NPM1: variants seen among roughly 807,000 people sequenced by gnomAD.
NPM1 encodes nucleophosmin 1, also known as nucleophosmin.
In NPM1, 1 loss-of-function variant was observed where a neutral mutation model predicts 44.1. The observed-to-expected ratio is 0.02, with a 90% confidence interval of 0.01 to 0.11. The LOEUF is 0.11. Among genes scored for constraint, NPM1 ranks in the 10% least tolerant of loss-of-function variants. The probability of loss-of-function intolerance (pLI) is 1.00; values close to 1 mark genes in which losing one functional copy is unlikely to be tolerated. For synonymous variants in NPM1, 126 were observed against 111.8 expected (o/e 1.13, Z -0.80); for missense variants, 197 against 347.8 (o/e 0.57, Z 3.45).
At chr5:171,388,791 C>T (rs2113149220) in intron 1 of NPM1, among the ~76,000 whole-genome samples, 1 of 152,332 alleles carries the variant, frequency 6.6e-6, no homozygotes, top group Non-Finnish European at 1.5e-5. Context: ...TTTTCTGTCT[C>T]ACTGCGGTAG....
At chr5:171,391,108 T>A in intron 2 of NPM1, 197 bp from the exon 3 acceptor site, 2 of 568,896 alleles carry the variant, frequency 3.5e-6, no homozygotes, top group Non-Finnish European at 6.2e-6. Flanking sequence ...GTAGCCTAGG[T>A]GTGTGTAGTA....
At chr5:171,403,567 T>C (rs1211541295) in intron 8 of NPM1, among the ~76,000 whole-genome samples, 1 of 109,468 alleles carries the variant, frequency 9.1e-6, no homozygotes, top group African/African-American at 3.4e-5. Context: ...GGCTCCTCAC[T>C]TCCCAGTAGG....
chr5:171,388,108 C>G, intron 1 of NPM1, 102 bp downstream of exon 1: 1 of 1,045,198 alleles, frequency 9.6e-7, no homozygotes, highest in Non-Finnish European at 1.4e-6. Flanking sequence ...CTGGTGGAGA[C>G]CGCCAGACCG....
At chr5:171,399,195 T>G (rs1771065282) in intron 6 of NPM1, among the ~76,000 whole-genome samples, 1 of 151,950 alleles carries the variant, frequency 6.6e-6, no homozygotes. Flanking sequence ...CAAGTGTGAG[T>G]TTTCTAGCTT....
At chr5:171,409,404 T>G (rs1057470668) in intron 10 of NPM1, among the ~76,000 whole-genome samples, 1 of 152,032 alleles carries the variant, frequency 6.6e-6, no homozygotes, top group Non-Finnish European at 1.5e-5. Context: ...ATACTAAATT[T>G]AGCTGGGCAT....
At position 171,406,147 on chromosome 5, in the gene NPM1, A is replaced by T. The variant is rs1209870611; in HGVS notation, c.771+744A>T. 3.3e-5 allele frequency among the ~76,000 whole-genome samples: 5 copies of T among 151,924 alleles called. No homozygotes were observed. In the East Asian group the frequency reaches 7.7e-4, roughly 23 times the overall value. On this transcript the variant is annotated intron_variant, in intron 9 of 10. Transcript: ENST00000296930. ...AATGTGGGGTGGTGAAAAATTGCCAACTCATTTCCCCATGTTTTTCTTGTA... is the reference window on the plus strand; with the variant it reads ...AATGTGGGGTGGTGAAAAATTGCCATCTCATTTCCCCATGTTTTTCTTGTA...
At position 171,400,819 on chromosome 5, in the gene NPM1, A is replaced by C; in HGVS notation, c.583-20A>C. The C allele has an allele frequency of 6.6e-7, 1 of 1,520,864 alleles. No homozygotes were observed. The highest frequency in any genetic ancestry group is 1.4e-5 in the African/African-American group (1 of 72,768). The allele number at this position is 1,520,864 out of a possible 1,614,324, so 94.2% of individuals were successfully genotyped here. A position where few individuals can be genotyped will look rare whatever the true frequency, so the allele number is the denominator to read the frequency against. Reference sequence around the variant, plus strand: ...TTGTTGGGGTCAGGGACAGTGATTAAGATAAATTTCTAATTGCAGTCTATA... The same window carrying C: ...TTGTTGGGGTCAGGGACAGTGATTACGATAAATTTCTAATTGCAGTCTATA... On this transcript the variant is annotated intron_variant, in intron 7 of 10. Coordinates refer to ENST00000296930, the MANE Select transcript of NPM1 (RefSeq NM_002520.7).
At position 171,389,905 on chromosome 5, in the gene NPM1, A is replaced by AG. The variant is rs1770485980; in HGVS notation, c.59-144dup. The AG allele has an allele frequency of 2.4e-5, 15 of 613,020 alleles. No homozygotes were observed. The South Asian group carries it at 3.0e-4, about 12-fold the overall frequency. The allele number at this position is 613,020 out of a possible 1,614,324, so 38.0% of individuals were successfully genotyped here. Reference sequence around the variant, plus strand: ...GTAGAGGTTTCTGTTCAAGAAATCTAGGAATTGATCATTCTGCTTTGCCCT... The same window carrying AG: ...GTAGAGGTTTCTGTTCAAGAAATCTAGGGAATTGATCATTCTGCTTTGCCCT... On this transcript the variant is annotated intron_variant, in intron 1 of 10. Coordinates refer to ENST00000296930, the MANE Select transcript of NPM1 (RefSeq NM_002520.7).
Position 171,392,895 on chromosome 5 carries a change from G to C in NPM1, c.460-19G>C, listed in dbSNP as rs145298666. On this transcript the variant is annotated intron_variant, in intron 5 of 10. Coordinates refer to ENST00000296930, the MANE Select transcript of NPM1 (RefSeq NM_002520.7). Reference sequence around the variant, plus strand: ...TAGAACAGCTCTTGTTCATGAGTACGTATCTTTTCTTTTAAAAGAAAAAAG... The same window carrying C: ...TAGAACAGCTCTTGTTCATGAGTACCTATCTTTTCTTTTAAAAGAAAAAAG... 2.5e-6 allele frequency: 4 copies of C among 1,611,858 alleles called. No individual in the cohort carries two copies. The East Asian group carries it at 6.7e-5, about 27-fold the overall frequency.
intron 9 of NPM1, 89 bp downstream of exon 9, chr5:171,405,492 T>G (rs1437215290): frequency 5.7e-6 from 4 of 701,620 alleles, no homozygotes; most frequent in Non-Finnish European, 1.0e-5. Flanking sequence ...CTTGTTTTTT[T>G]GTTTGTTTTG....
chr5:171,396,400 G>GTCC (rs1770888641), intron 6 of NPM1, among the ~76,000 whole-genome samples: 1 of 152,200 alleles, frequency 6.6e-6, no homozygotes, highest in Non-Finnish European at 1.5e-5. Context: ...TAGCACAGGG[G>GTCC]AGGCACCTGC....
At chr5:171,402,012 CA>C (rs1229886672) in intron 8 of NPM1, among the ~76,000 whole-genome samples, 2 of 149,198 alleles carry the variant, frequency 1.3e-5, no homozygotes, top group Non-Finnish European at 3.0e-5. Context: ...CATCAGACTA[CA>C]GTGACTTTCT....
At chr5:171,396,593 A>ACC (rs879558174) in intron 6 of NPM1, among the ~76,000 whole-genome samples, 1 of 152,238 alleles carries the variant, frequency 6.6e-6, no homozygotes, top group African/African-American at 2.4e-5. Context: ...TTTAGAGACC[A>ACC]GTACGTTCAG....
chr5:171,389,213 A>G (rs950547066), intron 1 of NPM1, among the ~76,000 whole-genome samples: 1 of 152,342 alleles, frequency 6.6e-6, no homozygotes, highest in South Asian at 2.1e-4. Flanking sequence ...AGTAAATGCA[A>G]ATCCTACCGT....
intron 8 of NPM1, among the ~76,000 whole-genome samples, chr5:171,401,596 C>G (rs1771206232): frequency 6.6e-6 from 1 of 152,030 alleles, no homozygotes; most frequent in African/African-American, 2.4e-5. Flanking sequence ...GCCACCAGGC[C>G]CAGCGTATTT....
At chr5:171,403,729 C>T (rs1289363256) in intron 8 of NPM1, among the ~76,000 whole-genome samples, 14 of 139,374 alleles carry the variant, frequency 1.0e-4, no homozygotes, top group African/African-American at 1.6e-4. Flanking sequence ...GCCGGCCGGG[C>T]GGGGGGCTGA....
chr5:171,408,536 A>T (rs1003283787), intron 10 of NPM1, among the ~76,000 whole-genome samples: 2 of 152,068 alleles, frequency 1.3e-5, no homozygotes, highest in Admixed American at 6.6e-5. Context: ...ATTTAATTGC[A>T]CTTCAATTTT....
intron 10 of NPM1, among the ~76,000 whole-genome samples, chr5:171,408,326 A>AT (rs1320551767): frequency 6.6e-6 from 1 of 152,088 alleles, no homozygotes; most frequent in East Asian, 1.9e-4. Flanking sequence ...TTATGCATTT[A>AT]TTTTTGCTCT....
intron 10 of NPM1, among the ~76,000 whole-genome samples, chr5:171,408,856 C>T (rs538192235): frequency 1.3e-5 from 2 of 152,266 alleles, no homozygotes; most frequent in East Asian, 3.9e-4. Flanking sequence ...ATGCATTCTT[C>T]AACTACTGCC....
Sources: gnomAD v4.1 joint callset for allele counts (sites outside exome capture counted in the v4.1 genomes callset) on GRCh38, gnomAD v4.1.1 for gene constraint, MANE v1.5 for transcripts, NCBI Gene and HGNC (gene_info 2026-07-23, HGNC 2026-07-21) for gene names.